DNAH17: variants seen among roughly 807,000 people sequenced by gnomAD.
DNAH17 encodes dynein axonemal heavy chain 17.
A neutral mutation model predicts 485.6 loss-of-function variants in DNAH17; 376 were observed. The ratio of observed to expected loss-of-function variants is 0.77; its 90% confidence interval spans 0.71 to 0.84. DNAH17 has a LOEUF of 0.84. DNAH17 is among the 40% of genes least tolerant of loss of function. The probability of loss-of-function intolerance (pLI) is 0.00; values close to 1 mark genes in which losing one functional copy is unlikely to be tolerated. For synonymous variants in DNAH17, 3,031 were observed against 2,405.9 expected (o/e 1.26, Z -7.60); for missense variants, 6,370 against 5,839.3 (o/e 1.09, Z -2.96).
rs375210500 is a variant in DNAH17 at position 78,461,618 on chromosome 17, T to G, written c.9265A>C (p.Ile3089Leu). 5.6e-6 allele frequency: 9 copies of G among 1,610,358 alleles called. No individual in the cohort carries two copies. The highest frequency in any genetic ancestry group is 6.8e-6 in the Non-Finnish European group (8 of 1,178,694). Residue 3089 changes from isoleucine to leucine, a missense_variant, in exon 58 of 81, where the codon ATC becomes CTC. Physicochemically the swap from Ile to Leu is conservative, Grantham distance 5 (BLOSUM62 2). Coordinates refer to ENST00000389840, the MANE Select transcript of DNAH17 (RefSeq NM_173628.4). The part of the protein sequence containing the change: ...SADQLIQVVG[I>L]EAEKVSKEKA... Reference sequence around the variant, plus strand: ...TCTTTGCTGACCTTCTCGGCCTCGATGCCGACCACCTGGATCAGTTGGTCT... The same window carrying G: ...TCTTTGCTGACCTTCTCGGCCTCGAGGCCGACCACCTGGATCAGTTGGTCT...
chr17:78,505,287 A>G lies in DNAH17; in HGVS notation c.4956+6T>C. On this transcript the variant is annotated splice_donor_region_variant and intron_variant, in intron 31 of 80. Coordinates refer to ENST00000389840, the MANE Select transcript of DNAH17 (RefSeq NM_173628.4). ...GGTTCCCTGTGTGGTGTGCGCACACACTCACCTGCCCCGAGAGGTCGCATT... is the reference window on the plus strand; with the variant it reads ...GGTTCCCTGTGTGGTGTGCGCACACGCTCACCTGCCCCGAGAGGTCGCATT... 1 of 1,613,616 alleles carries G rather than the reference A, an allele frequency of 6.2e-7. No individual in the cohort carries two copies. Among genetic ancestry groups the G allele is most frequent in the Non-Finnish European group, 8.5e-7 (1 of 1,179,748 alleles).
Position 78,527,013 on chromosome 17 carries a change from C to T in DNAH17, c.3508-17G>A. On this transcript the variant is annotated splice_polypyrimidine_tract_variant and intron_variant, in intron 22 of 80. Coordinates refer to ENST00000389840, the MANE Select transcript of DNAH17 (RefSeq NM_173628.4). ...CGGCAGCTCCTGCGGGAAGCAAAGGCAGAGGAGGGCTCCTTTCTCATTTCT... is the reference window on the plus strand; with the variant it reads ...CGGCAGCTCCTGCGGGAAGCAAAGGTAGAGGAGGGCTCCTTTCTCATTTCT... 1 of 1,531,456 alleles carries T rather than the reference C, an allele frequency of 6.5e-7. No homozygotes were observed. Among genetic ancestry groups the T allele is most frequent in the Non-Finnish European group, 8.8e-7 (1 of 1,131,182 alleles). 94.9% of individuals were successfully genotyped at this position (1,531,456 alleles called of 1,614,324 possible). A position where few individuals can be genotyped will look rare whatever the true frequency, so the allele number is the denominator to read the frequency against.
intron 75 of DNAH17, among the ~76,000 whole-genome samples, chr17:78,430,139 T>C (rs1028903694): frequency 7.9e-5 from 12 of 152,226 alleles, no homozygotes; most frequent in African/African-American, 2.7e-4. Context: ...GGCCTCGCCA[T>C]GAAGCCAGGC....
chr17:78,457,394 C>CA (rs574792681), intron 62 of DNAH17, among the ~76,000 whole-genome samples: 86 of 150,128 alleles, frequency 5.7e-4, no homozygotes, highest in Non-Finnish European at 1.2e-4. Context: ...CAAAACAAAA[C>CA]AAAAAAACAA....
intron 49 of DNAH17, among the ~76,000 whole-genome samples, chr17:78,480,181 C>A (rs1598537954): frequency 6.6e-6 from 1 of 151,464 alleles, no homozygotes; most frequent in Non-Finnish European, 1.5e-5. Context: ...AAACCCCGTC[C>A]CTACTAAAAA....
At chr17:78,533,608 A>G (rs757045979) in intron 19 of DNAH17, among the ~76,000 whole-genome samples, 4 of 152,228 alleles carry the variant, frequency 2.6e-5, no homozygotes, top group Non-Finnish European at 5.9e-5. Flanking sequence ...GTTGGCTTAT[A>G]TACAGGACTG....
chr17:78,543,292 T>G (rs1230564118), intron 17 of DNAH17, among the ~76,000 whole-genome samples: 5 of 151,218 alleles, frequency 3.3e-5, no homozygotes, highest in Non-Finnish European at 5.9e-5. Flanking sequence ...TTTTTGTTTT[T>G]TTTTTTTTTG....
intron 7 of DNAH17, 51 bp downstream of exon 7, chr17:78,570,196 G>C: frequency 6.5e-7 from 1 of 1,529,468 alleles, no homozygotes; most frequent in Non-Finnish European, 8.8e-7. Context: ...ACCGGGGAGG[G>C]GACCCAGCCA....
chr17:78,428,600 C>T lies in DNAH17; in HGVS notation c.12513G>A (p.Leu4171=), dbSNP rs370531518. 7.4e-6 allele frequency: 12 copies of T among 1,613,968 alleles called. No individual in the cohort carries two copies. The highest frequency in any genetic ancestry group is 1.6e-4 in the Middle Eastern group (1 of 6,062). The change falls in exon 77 of 81, where the codon CTG becomes CTA. Residue 4171 remains leucine, a synonymous_variant. Coordinates refer to ENST00000389840, the MANE Select transcript of DNAH17 (RefSeq NM_173628.4). ...GCTGCATTTCCAGGACAGTGCGGAACAGCTTCTCTGAGGTGACCGTCAGAA... is the reference window on the plus strand; with the variant it reads ...GCTGCATTTCCAGGACAGTGCGGAATAGCTTCTCTGAGGTGACCGTCAGAA... ...IGFLTVTSEK[L]FRTVLEMQPK... is the part of the protein sequence containing the mutation.
chr17:78,572,993 T>A, intron 2 of DNAH17, 99 bp from the exon 3 acceptor site: 1 of 1,111,910 alleles, frequency 9.0e-7, no homozygotes, highest in Non-Finnish European at 1.3e-6. Context: ...ACCCGGTGTC[T>A]GGAGCCCTGG....
At position 78,502,973 on chromosome 17, in the gene DNAH17, G is replaced by A. The variant is rs771170122; in HGVS notation, c.4995C>T (p.Cys1665=). 24 of 1,613,764 alleles carry A rather than the reference G, an allele frequency of 1.5e-5. No individual in the cohort carries two copies. The highest frequency in any genetic ancestry group is 1.9e-5 in the Non-Finnish European group (23 of 1,179,868). Reference sequence around the variant, plus strand: ...CTGGGATTTCGTGCCGGAGGGTAGAGCACATTCGGTCCAGCACTCGATTCA... The same window carrying A: ...CTGGGATTTCGTGCCGGAGGGTAGAACACATTCGGTCCAGCACTCGATTCA... ...VWLNRVLDRM[C]STLRHEIPEA... Residue 1665 remains cysteine, a synonymous_variant, in exon 32 of 81, where the codon TGC becomes TGT. Transcript: ENST00000389840.
Position 78,446,401 on chromosome 17 carries a change from T to C in DNAH17, c.11212-721A>G, listed in dbSNP as rs966201484. Among the ~76,000 whole-genome samples, 4 of 152,138 alleles carry C rather than the reference T, an allele frequency of 2.6e-5. 1 individual carries two copies. Among genetic ancestry groups the C allele is most frequent in the South Asian group, 4.1e-4 (2 of 4,822 alleles). On this transcript the variant is annotated intron_variant, in intron 69 of 80. Transcript: ENST00000389840. ...GGATGCCCCTGTTGTGGATGCTTTG[T>C]ATAAATGGAAGCACACGACATGCCC... is the stretch of plus-strand genomic sequence containing the variant.
chr17:78,536,154 C>G (rs1189097516), intron 19 of DNAH17, among the ~76,000 whole-genome samples: 1 of 152,048 alleles, frequency 6.6e-6, no homozygotes, highest in Non-Finnish European at 1.5e-5. Flanking sequence ...CATTACAGGA[C>G]TGAGGCCGGG....
intron 70 of DNAH17, 88 bp downstream of exon 70, chr17:78,445,470 T>C: frequency 6.7e-7 from 1 of 1,491,984 alleles, no homozygotes; most frequent in Non-Finnish European, 9.0e-7. Flanking sequence ...GAGCCTGGTA[T>C]TCTGGCCTTG....
Position 78,502,582 on chromosome 17 carries a change from G to C in DNAH17, c.5190+9C>G, listed in dbSNP as rs2090336824. 2 of 1,611,148 alleles carry C rather than the reference G, an allele frequency of 1.2e-6. No individual in the cohort carries two copies. The highest frequency in any genetic ancestry group is 1.7e-6 in the Non-Finnish European group (2 of 1,178,612). ...TAAAAACGTAACTAACTACACACTA[G>C]TAACACACCTGCTTTTTGTTATAAT... On this transcript the variant is annotated intron_variant, in intron 33 of 80. Transcript: ENST00000389840.
intron 71 of DNAH17, among the ~76,000 whole-genome samples, chr17:78,442,283 A>G (rs1212526758): frequency 6.6e-6 from 1 of 152,130 alleles, no homozygotes; most frequent in Admixed American, 6.5e-5. Context: ...TCAACCAGCA[A>G]TCAGCCGGCT....
In DNAH17 at chr17:78,439,052, C is replaced by G. The variant is rs751780421; in HGVS notation, c.11805+38G>C. 3.1e-6 allele frequency: 5 copies of G among 1,601,974 alleles called. No individual in the cohort carries two copies. In the African/African-American group the frequency reaches 6.7e-5, roughly 22 times the overall value. ...CCCATCCCCATTGGCCACCTCAGTG[C>G]GGGGAGCCCTTACCCTGCAGTGCTG... On this transcript the variant is annotated intron_variant, in intron 73 of 80. Transcript: ENST00000389840.
At chr17:78,448,786 T>C (rs1194372764) in intron 69 of DNAH17, among the ~76,000 whole-genome samples, 2 of 152,072 alleles carry the variant, frequency 1.3e-5, no homozygotes, top group Non-Finnish European at 2.9e-5. Context: ...CGTTTTGTGC[T>C]CTCTCTCGCC....
intron 26 of DNAH17, among the ~76,000 whole-genome samples, chr17:78,510,867 A>G (rs1400864647): frequency 6.6e-6 from 1 of 152,042 alleles, no homozygotes; most frequent in Non-Finnish European, 1.5e-5. Context: ...TTCCGGTGAG[A>G]CATAAATCCA....
Sources: gnomAD v4.1 joint callset for allele counts (sites outside exome capture counted in the v4.1 genomes callset) on GRCh38, gnomAD v4.1.1 for gene constraint, MANE v1.5 for transcripts, NCBI Gene and HGNC (gene_info 2026-07-23, HGNC 2026-07-21) for gene names.